TMEM74: variants seen among roughly 807,000 people sequenced by gnomAD.
TMEM74 encodes the protein transmembrane protein 74.
TMEM74 carries 13 observed loss-of-function variants against 18.1 expected under a neutral mutation model. That is an observed-to-expected ratio of 0.72 (90% CI 0.47 to 1.14). The LOEUF (loss-of-function observed/expected upper bound fraction) is 1.14, where lower values mean the gene tolerates loss of function less well. Ranked by LOEUF, TMEM74 falls within the 50% of genes most tolerant of loss-of-function variation. The pLI is 0.00. For missense variants in TMEM74, 372 were observed against 375.9 expected (o/e 0.99, Z 0.09); for synonymous variants, 159 against 146.6 (o/e 1.08, Z -0.61).
At chr8:108,771,904 T>A (rs566812391) in intron 1 of TMEM74, among the ~76,000 whole-genome samples, 1 of 152,252 alleles carries the variant, frequency 6.6e-6, no homozygotes, top group Admixed American at 6.5e-5. Flanking sequence ...AGAAATGTAT[T>A]AACTGATGCT....
intron 1 of TMEM74, among the ~76,000 whole-genome samples, chr8:108,763,806 T>C (rs1042121252): frequency 1.3e-5 from 2 of 152,184 alleles, no homozygotes; most frequent in African/African-American, 4.8e-5. Flanking sequence ...CTCAGCCTGG[T>C]ATAGGCTTAC....
chr8:108,611,678 T>A (rs986396249), intron 2 of TMEM74, among the ~76,000 whole-genome samples: 1 of 152,212 alleles, frequency 6.6e-6, no homozygotes, highest in Non-Finnish European at 1.5e-5. Flanking sequence ...TTTGGTTTCA[T>A]CTCCTTTCCA....
In TMEM74 at chr8:108,781,260, G is replaced by T. The variant is rs554797513; in HGVS notation, c.*2921C>A. On this transcript the variant is annotated 3_prime_UTR_variant, in exon 2 of 2. Coordinates refer to ENST00000297459, the MANE Select transcript of TMEM74 (RefSeq NM_153015.3). Reference sequence around the variant, plus strand: ...CACCATATTGAAGAGACAGACGGAAGGTCACAAATCTCCATGAAGGATGCA... The same window carrying T: ...CACCATATTGAAGAGACAGACGGAATGTCACAAATCTCCATGAAGGATGCA... Among the ~76,000 whole-genome samples the T allele has an allele frequency of 6.6e-6, 1 of 152,262 alleles. No homozygotes were observed. The highest frequency in any genetic ancestry group is 2.1e-4 in the South Asian group (1 of 4,824).
intron 2 of TMEM74, among the ~76,000 whole-genome samples, chr8:108,627,817 C>T (rs1293758970): frequency 6.6e-6 from 1 of 152,010 alleles, no homozygotes; most frequent in Non-Finnish European, 1.5e-5. Context: ...GTTTGGGAAG[C>T]TGAGGCGGAT....
chr8:108,696,676 A>G (rs1813284607), intron 1 of TMEM74, among the ~76,000 whole-genome samples: 1 of 152,230 alleles, frequency 6.6e-6, no homozygotes, highest in Non-Finnish European at 1.5e-5. Context: ...AAAGGATGGG[A>G]ATGCAGTAAT....
At chr8:108,773,087 A>C (rs1201106260) in intron 1 of TMEM74, among the ~76,000 whole-genome samples, 1 of 152,128 alleles carries the variant, frequency 6.6e-6, no homozygotes, top group Non-Finnish European at 1.5e-5. Flanking sequence ...CAAATTTGGC[A>C]CTGAAAAGGA....
intron 1 of TMEM74, among the ~76,000 whole-genome samples, chr8:108,762,533 G>A (rs1424805028): frequency 6.6e-6 from 1 of 152,052 alleles, no homozygotes; most frequent in African/African-American, 2.4e-5. Flanking sequence ...AACCTACCTT[G>A]AATGTGTCAA....
chr8:108,748,995 G>T (rs536468390), intron 1 of TMEM74, among the ~76,000 whole-genome samples: 185 of 152,132 alleles, frequency 1.2e-3, no homozygotes, highest in African/African-American at 4.1e-3. Context: ...GATGTGTTTT[G>T]TATGAGAATA....
At chr8:108,738,408 C>T (rs1813769069) in intron 1 of TMEM74, among the ~76,000 whole-genome samples, 1 of 152,190 alleles carries the variant, frequency 6.6e-6, no homozygotes, top group Non-Finnish European at 1.5e-5. Flanking sequence ...CTTCATCTCT[C>T]TTTCTTCACG....
intron 1 of TMEM74, among the ~76,000 whole-genome samples, chr8:108,704,235 T>G (rs777763287): frequency 6.6e-6 from 1 of 152,244 alleles, no homozygotes; most frequent in Admixed American, 6.5e-5. Context: ...TCAAGTTTAC[T>G]AGACTGGGGA....
At chr8:108,661,859 A>G (rs1443016278) in intron 1 of TMEM74, among the ~76,000 whole-genome samples, 2 of 152,114 alleles carry the variant, frequency 1.3e-5, no homozygotes, top group African/African-American at 2.4e-5. Context: ...TCTAAGGAGG[A>G]AGGAGTTTGT....
At chr8:108,785,203 G>T in intron 1 of TMEM74, 66 bp from the exon 2 acceptor site, 2 of 1,231,768 alleles carry the variant, frequency 1.6e-6, no homozygotes, top group Non-Finnish European at 2.2e-6. Context: ...CAGGAGTGTT[G>T]CTCCTGGGGT....
intron 3 of TMEM74, among the ~76,000 whole-genome samples, chr8:108,608,586 A>G (rs1397409721): frequency 2.6e-5 from 4 of 152,166 alleles, no homozygotes; most frequent in Non-Finnish European, 5.9e-5. Flanking sequence ...GTAAACTAAT[A>G]CTGGTTTAAC....
At chr8:108,611,984 G>C (rs1812338785) in intron 2 of TMEM74, among the ~76,000 whole-genome samples, 1 of 152,146 alleles carries the variant, frequency 6.6e-6, no homozygotes, top group Non-Finnish European at 1.5e-5. Flanking sequence ...GGCGGTAGGA[G>C]AGAAAAGTGC....
chr8:108,668,442 A>C (rs529575199), intron 1 of TMEM74, among the ~76,000 whole-genome samples: 77 of 152,308 alleles, frequency 5.1e-4, no homozygotes, highest in Middle Eastern at 3.4e-3. Context: ...TTTTCATGAC[A>C]TGTCATAACA....
downstream of TMEM74, among the ~76,000 whole-genome samples, chr8:108,777,710 A>G (rs1007551563): frequency 3.5e-4 from 53 of 152,124 alleles, no homozygotes; most frequent in African/African-American, 1.3e-3. Flanking sequence ...TTCTTTTCCT[A>G]CCGCTTATTA....
chr8:108,760,885 T>C (rs2130661822), intron 1 of TMEM74, among the ~76,000 whole-genome samples: 1 of 152,084 alleles, frequency 6.6e-6, no homozygotes, highest in South Asian at 2.1e-4. Context: ...TGGGATTGGG[T>C]CATTGCTGGC....
intron 1 of TMEM74, among the ~76,000 whole-genome samples, chr8:108,734,951 A>T (rs552970735): frequency 1.3e-5 from 2 of 152,222 alleles, no homozygotes; most frequent in Admixed American, 1.3e-4. Flanking sequence ...GGCATAGTTA[A>T]CTGCCACTTT....
At chr8:108,679,947 A>G (rs898070188) in intron 1 of TMEM74, among the ~76,000 whole-genome samples, 23 of 152,324 alleles carry the variant, frequency 1.5e-4, no homozygotes, top group African/African-American at 5.1e-4. Flanking sequence ...GAAGAAATGG[A>G]TAAATTCCTC....
Sources: gnomAD v4.1 joint callset for allele counts (sites outside exome capture counted in the v4.1 genomes callset) on GRCh38, gnomAD v4.1.1 for gene constraint, MANE v1.5 for transcripts, NCBI Gene and HGNC (gene_info 2026-07-23, HGNC 2026-07-21) for gene names.